Variants in FOXN3 observed in about 807,000 individuals in gnomAD.
FOXN3 encodes the protein forkhead box N3.
Under a neutral mutation model 38.4 loss-of-function variants are expected in FOXN3, and 7 were observed. The observed-to-expected ratio is 0.18, with a 90% CI of 0.10 to 0.34. The LOEUF is 0.34. FOXN3 is among the 10% of genes least tolerant of loss of function. FOXN3 has a pLI of 1.00. For synonymous variants in FOXN3, 230 were observed against 242.2 expected, an observed-to-expected ratio of 0.95 and a Z score of 0.47; for missense variants, 456 against 613.4, an observed-to-expected ratio of 0.74 and a Z score of 2.71.
intron 1 of FOXN3, among the ~76,000 whole-genome samples, chr14:89,559,131 A>C (rs1489261877): frequency 6.6e-6 from 1 of 152,026 alleles, no homozygotes; most frequent in East Asian, 1.9e-4. Context: ...TTGGGAGGCC[A>C]AAGTGGGAGG....
intron 3 of FOXN3, among the ~76,000 whole-genome samples, chr14:89,296,868 C>T (rs1887055176): frequency 6.6e-6 from 1 of 152,106 alleles, no homozygotes; most frequent in Non-Finnish European, 1.5e-5. Flanking sequence ...AACTCCTGAC[C>T]TCAGGTCATC....
intron 4 of FOXN3, among the ~76,000 whole-genome samples, chr14:89,227,938 G>A (rs1884693264): frequency 6.6e-6 from 1 of 152,122 alleles, no homozygotes; most frequent in African/African-American, 2.4e-5. Context: ...TTGTAGAGAT[G>A]GGGTCTCCCC....
intron 1 of FOXN3, among the ~76,000 whole-genome samples, chr14:89,521,752 AC>A (rs1338563934): frequency 6.6e-6 from 1 of 152,162 alleles, no homozygotes; most frequent in Admixed American, 6.5e-5. Flanking sequence ...TCAAAACAAA[AC>A]AAAAAAAATA....
intron 2 of FOXN3, among the ~76,000 whole-genome samples, chr14:89,378,793 G>A (rs909621337): frequency 2.0e-5 from 3 of 148,588 alleles, no homozygotes; most frequent in African/African-American, 7.4e-5. Flanking sequence ...TGCAACCTCT[G>A]CCTCCCAGGT....
intron 1 of FOXN3, among the ~76,000 whole-genome samples, chr14:89,497,042 C>A (rs1893699964): frequency 6.6e-6 from 1 of 152,314 alleles, no homozygotes; most frequent in East Asian, 1.9e-4. Context: ...GCAACCTCCG[C>A]TTCCCGGGTT....
At chr14:89,543,205 G>T (rs776321323) in intron 1 of FOXN3, among the ~76,000 whole-genome samples, 26 of 152,202 alleles carry the variant, frequency 1.7e-4, no homozygotes, top group Non-Finnish European at 2.9e-4. Flanking sequence ...GAGTAAGTAT[G>T]GGGGCAAATG....
intron 4 of FOXN3, among the ~76,000 whole-genome samples, chr14:89,217,492 A>G (rs535162151): frequency 9.3e-4 from 142 of 152,232 alleles, no homozygotes; most frequent in African/African-American, 3.2e-3. Flanking sequence ...TGCTAGTAAG[A>G]AGAGTGCCAA....
At chr14:89,350,427 C>T (rs1369308920) in intron 3 of FOXN3, 4 of 346,518 alleles carry the variant, frequency 1.2e-5, no homozygotes, top group Non-Finnish European at 2.1e-5. Flanking sequence ...TGTTTCTACC[C>T]AGGAAGACAT....
intron 2 of FOXN3, among the ~76,000 whole-genome samples, chr14:89,391,468 T>C: frequency 6.6e-6 from 1 of 152,208 alleles, no homozygotes; most frequent in East Asian, 1.9e-4. Flanking sequence ...CCGAGTCTTA[T>C]TATTTCATGG....
intron 2 of FOXN3, among the ~76,000 whole-genome samples, chr14:89,408,506 G>C (rs548343100): frequency 2.6e-4 from 39 of 151,054 alleles, no homozygotes; most frequent in African/African-American, 9.3e-4. Flanking sequence ...CTCCCGCCTT[G>C]GCCTCCCAAA....
At chr14:89,267,598 T>G (rs546616199) in intron 4 of FOXN3, among the ~76,000 whole-genome samples, 22 of 152,340 alleles carry the variant, frequency 1.4e-4, no homozygotes, top group Non-Finnish European at 2.6e-4. Context: ...CAGTATAATT[T>G]GAAGAGTAAT....
intron 1 of FOXN3, among the ~76,000 whole-genome samples, chr14:89,490,299 A>T (rs1448398089): frequency 6.6e-6 from 1 of 152,158 alleles, no homozygotes. Context: ...TTCTATCCCA[A>T]TGATATCAGC....
intron 2 of FOXN3, among the ~76,000 whole-genome samples, chr14:89,363,981 T>TA (rs1890038535): frequency 1.1e-5 from 1 of 92,592 alleles, no homozygotes; most frequent in African/African-American, 5.1e-5. Context: ...TATATATATA[T>TA]ATATATAATA....
chr14:89,369,851 C>G (rs1356678780), intron 2 of FOXN3, among the ~76,000 whole-genome samples: 1 of 152,182 alleles, frequency 6.6e-6, no homozygotes, highest in Non-Finnish European at 1.5e-5. Context: ...GGTGGGGACA[C>G]AGAGTCAAAC....
At chr14:89,419,219 C>T (rs959812718), upstream of FOXN3, 1 of 455,922 alleles carries the variant, frequency 2.2e-6, no homozygotes, top group African/African-American at 2.0e-5. Context: ...CCAGCCCTGC[C>T]TGATGTGGAC....
At position 89,417,027 on chromosome 14, in the gene FOXN3, CCGCGGG is replaced by C. The variant is rs904675236; in HGVS notation, c.-177_-172del. ...CGGGGCGGCGGGCGGCGGGGGGCGG[CCGCGGG>C]CGCGGGCGGCAGGGGCGCGGGGGTC... On this transcript the variant is annotated 5_prime_UTR_variant, in exon 1 of 6. Coordinates refer to ENST00000557258, the MANE Select transcript of FOXN3 (RefSeq NM_005197.4). The C allele has an allele frequency of 2.1e-5, 3 of 144,616 alleles. No individual in the cohort carries two copies. The highest frequency in any genetic ancestry group is 5.0e-5 in the African/African-American group (2 of 40,332). The allele number at this position is 144,616 out of a possible 1,614,324, so 9.0% of individuals were successfully genotyped here.
chr14:89,480,194 A>G (rs1893294513), intron 1 of FOXN3, among the ~76,000 whole-genome samples: 1 of 152,190 alleles, frequency 6.6e-6, no homozygotes, highest in African/African-American at 2.4e-5. Flanking sequence ...TGAGGTCAGC[A>G]GATCGAGACC....
rs1555358079 is a variant in FOXN3, at chr14:89,511,236, C to CCTTT, written c.-14-98750_-14-98747dup. Among the ~76,000 whole-genome samples, 17 of 10,404 alleles carry CCTTT rather than the reference C, an allele frequency of 1.6e-3. 4 individuals carry two copies. The highest frequency in any genetic ancestry group is 2.8e-3 in the African/African-American group (17 of 6,026). The allele number at this position is 10,404 out of a possible 152,430, so 6.8% of individuals were successfully genotyped here. On this transcript the variant is annotated intron_variant, in intron 1 of 6. Coordinates refer to the FOXN3 transcript ENST00000345097. The stretch of plus-strand genomic sequence containing the variant: ...CTTTCTTTCTTTCTTTCTTTTCTTT[C>CCTTT]CTTTTCTTTCTTTTCTTTCTTTCTT...
At chr14:89,189,534 G>T (rs1002391611) in intron 4 of FOXN3, among the ~76,000 whole-genome samples, 13 of 152,214 alleles carry the variant, frequency 8.5e-5, no homozygotes, top group African/African-American at 3.1e-4. Context: ...AGCAGACCTT[G>T]GTAAACCAGC....
Sources: allele counts gnomAD v4.1 joint callset (sites outside exome capture counted in the v4.1 genomes callset), GRCh38; gene constraint gnomAD v4.1.1; transcripts MANE v1.5; gene names NCBI Gene and HGNC (gene_info 2026-07-23, HGNC 2026-07-21).